RIMS1: variants seen among roughly 807,000 people sequenced by gnomAD.
The protein encoded by RIMS1 is regulating synaptic membrane exocytosis protein 1.
Under a neutral mutation model 214.1 loss-of-function variants are expected in RIMS1, and 83 were observed. That is an observed-to-expected ratio of 0.39 (90% CI 0.32 to 0.47). The LOEUF (loss-of-function observed/expected upper bound fraction) is 0.47, where lower values mean the gene tolerates loss of function less well. Ranked by LOEUF, RIMS1 falls within the 20% of genes least tolerant of loss-of-function variation. The pLI, the probability that RIMS1 is intolerant of heterozygous loss-of-function variation, is 0.99. For missense variants in RIMS1, 2,050 were observed against 2,161.8 expected, an observed-to-expected ratio of 0.95 and a Z score of 1.03; for synonymous variants, 793 against 786.8, an observed-to-expected ratio of 1.01 and a Z score of -0.13.
At chr6:72,222,460 T>TA (rs2058786629) in intron 6 of RIMS1, among the ~76,000 whole-genome samples, 1 of 152,132 alleles carries the variant, frequency 6.6e-6, no homozygotes, top group African/African-American at 2.4e-5. Context: ...AGTTATTATT[T>TA]ACAGTGCATT....
chr6:72,040,076 A>C (rs1200157801), intron 2 of RIMS1, among the ~76,000 whole-genome samples: 95 of 152,222 alleles, frequency 6.2e-4, no homozygotes, highest in Non-Finnish European at 5.6e-4. Context: ...CTAACACAAA[A>C]AATTTTTTAA....
intron 6 of RIMS1, among the ~76,000 whole-genome samples, chr6:72,184,609 C>T (rs763883854): frequency 6.6e-6 from 1 of 152,130 alleles, no homozygotes; most frequent in Non-Finnish European, 1.5e-5. Flanking sequence ...ATGGCTTGAT[C>T]ATTTAAGGAA....
chr6:72,398,478 C>T, intron 32 of RIMS1, 128 bp downstream of exon 32: 1 of 591,370 alleles, frequency 1.7e-6, no homozygotes, highest in Non-Finnish European at 2.9e-6. Flanking sequence ...AGCAGTGTTT[C>T]TGTGTTCTTT....
At chr6:72,245,997 G>T in intron 11 of RIMS1, 136 bp downstream of exon 11, 1 of 563,182 alleles carries the variant, frequency 1.8e-6, no homozygotes, top group Non-Finnish European at 3.1e-6. Flanking sequence ...CTAGATGTTG[G>T]CAATGATGGC....
chr6:72,101,305 A>C (rs942808217), intron 4 of RIMS1, among the ~76,000 whole-genome samples: 7 of 152,002 alleles, frequency 4.6e-5, no homozygotes, highest in African/African-American at 1.7e-4. Flanking sequence ...CCTGTAAAAT[A>C]TAATCACTTT....
At chr6:72,174,779 T>C (rs954994704) in intron 4 of RIMS1, among the ~76,000 whole-genome samples, 1 of 152,214 alleles carries the variant, frequency 6.6e-6, no homozygotes, top group Non-Finnish European at 1.5e-5. Flanking sequence ...TAGAAAATTG[T>C]ATTAAAATGC....
chr6:71,925,515 A>G (rs928805155), intron 1 of RIMS1, among the ~76,000 whole-genome samples: 14 of 152,258 alleles, frequency 9.2e-5, no homozygotes, highest in Non-Finnish European at 1.9e-4. Flanking sequence ...TATAAATGCA[A>G]TTGAGAACAA....
intron 28 of RIMS1, among the ~76,000 whole-genome samples, chr6:72,314,343 A>C (rs530559884): frequency 6.6e-6 from 1 of 152,346 alleles, no homozygotes; most frequent in East Asian, 1.9e-4. Flanking sequence ...TAACCTAAAA[A>C]TTTATTACAA....
At chr6:72,298,180 G>A (rs763645641) in intron 26 of RIMS1, among the ~76,000 whole-genome samples, 4 of 151,816 alleles carry the variant, frequency 2.6e-5, no homozygotes, top group Admixed American at 6.6e-5. Context: ...TAATTTTACA[G>A]CATATGTTTT....
intron 2 of RIMS1, among the ~76,000 whole-genome samples, chr6:72,014,771 A>AT: frequency 6.6e-6 from 1 of 152,116 alleles, no homozygotes; most frequent in Non-Finnish European, 1.5e-5. Context: ...AGTGATCTTG[A>AT]TTTTAGCTAT....
intron 3 of RIMS1, 116 bp downstream of exon 3, chr6:72,097,278 A>G: frequency 1.2e-6 from 1 of 821,084 alleles, no homozygotes; most frequent in Non-Finnish European, 2.0e-6. Flanking sequence ...CATACACGTT[A>G]AAATGAACCT....
intron 26 of RIMS1, among the ~76,000 whole-genome samples, chr6:72,301,140 T>C (rs920649243): frequency 6.6e-6 from 1 of 151,686 alleles, no homozygotes; most frequent in South Asian, 2.1e-4. Flanking sequence ...TGTTCTTTTA[T>C]TGTTTATATT....
chr6:72,383,985 T>C (rs2098542209), intron 29 of RIMS1, among the ~76,000 whole-genome samples: 1 of 152,208 alleles, frequency 6.6e-6, no homozygotes. Flanking sequence ...CCTAAATTGC[T>C]TAATCAGGTG....
In RIMS1 at chr6:72,263,120, A is replaced by C. The variant is rs1056013851; in HGVS notation, c.3117-1855A>C. ...TTGTCCTATGAGATGTTTCACCAAT[A>C]AGAGTTTTTGTGAGTCAAATACATT... is the stretch of plus-strand genomic sequence containing the variant. On this transcript the variant is annotated intron_variant, in intron 19 of 33. Coordinates refer to ENST00000521978, the MANE Select transcript of RIMS1 (RefSeq NM_014989.7). The C allele has an allele frequency of 5.1e-6, 5 of 984,174 alleles. No individual in the cohort carries two copies. The African/African-American group carries it at 5.2e-5, about 10-fold the overall frequency. 61.0% of individuals were successfully genotyped at this position (984,174 alleles called of 1,614,324 possible). A position where few individuals can be genotyped will look rare whatever the true frequency, so the allele number is the denominator to read the frequency against.
intron 4 of RIMS1, among the ~76,000 whole-genome samples, chr6:72,147,230 T>C (rs2042877509): frequency 6.6e-6 from 1 of 152,240 alleles, no homozygotes; most frequent in African/African-American, 2.4e-5. Context: ...TATGCATTTA[T>C]TTTTCTTTAG....
At chr6:72,236,507 G>T (rs1015871215) in intron 8 of RIMS1, among the ~76,000 whole-genome samples, 2 of 152,100 alleles carry the variant, frequency 1.3e-5, no homozygotes, top group African/African-American at 2.4e-5. Context: ...TTATCTTCAT[G>T]TAGAAATAAT....
chr6:72,348,900 T>G (rs2097355217), intron 29 of RIMS1, among the ~76,000 whole-genome samples: 2 of 151,988 alleles, frequency 1.3e-5, no homozygotes, highest in Non-Finnish European at 2.9e-5. Context: ...TACAACATCC[T>G]TTTATATCAT....
intron 4 of RIMS1, among the ~76,000 whole-genome samples, chr6:72,131,309 A>G (rs1293361369): frequency 6.6e-6 from 1 of 152,230 alleles, no homozygotes; most frequent in African/African-American, 2.4e-5. Context: ...ATTAGTGTCA[A>G]TAATATCATA....
chr6:72,320,425 A>G (rs571464899), intron 28 of RIMS1, among the ~76,000 whole-genome samples: 29 of 152,276 alleles, frequency 1.9e-4, no homozygotes, highest in African/African-American at 6.3e-4. Context: ...CTTTAAAAAC[A>G]TATTGTAAAC....
Sources: gnomAD v4.1 joint callset for allele counts (sites outside exome capture counted in the v4.1 genomes callset) on GRCh38, gnomAD v4.1.1 for gene constraint, MANE v1.5 for transcripts, NCBI Gene and HGNC (gene_info 2026-07-23, HGNC 2026-07-21) for gene names.